The following TMEM132B variants were observed in gnomAD, a reference collection of about 807,000 sequenced individuals.
The protein encoded by TMEM132B is transmembrane protein 132B.
A neutral mutation model predicts 90.8 loss-of-function variants in TMEM132B; 18 were observed. The observed-to-expected ratio is 0.20, with a 90% confidence interval of 0.14 to 0.29. The LOEUF (loss-of-function observed/expected upper bound fraction) is 0.29, where lower values mean the gene tolerates loss of function less well. Ranked by LOEUF, TMEM132B falls within the 10% of genes least tolerant of loss-of-function variation. The probability of loss-of-function intolerance (pLI) is 1.00; values close to 1 mark genes in which losing one functional copy is unlikely to be tolerated. For missense variants in TMEM132B, 1,096 were observed against 1,326.8 expected (o/e 0.83, Z 2.70); for synonymous variants, 504 against 523.3 (o/e 0.96, Z 0.50).
At position 125,656,341 on chromosome 12, in the gene TMEM132B, C is replaced by T. The variant is rs1353820489; in HGVS notation, c.*1631C>T. ...TGACTCCAAATGGCTGATAACTGAG[C>T]TAATCCAAGGAGAGGCGTTCAGTTG... On this transcript the variant is annotated 3_prime_UTR_variant, in exon 9 of 9. Coordinates refer to ENST00000682704, the MANE Select transcript of TMEM132B (RefSeq NM_001366854.1). 6.6e-6 allele frequency: 1 copy of T among 152,174 alleles called. No homozygotes were observed. The highest frequency in any genetic ancestry group is 1.5e-5 in the Non-Finnish European group (1 of 68,034). 9.4% of individuals were successfully genotyped at this position (152,174 alleles called of 1,614,324 possible). A position where few individuals can be genotyped will look rare whatever the true frequency, so the allele number is the denominator to read the frequency against.
intron 1 of TMEM132B, among the ~76,000 whole-genome samples, chr12:125,327,907 A>G (rs1004982294): frequency 2.6e-5 from 4 of 152,232 alleles, no homozygotes; most frequent in African/African-American, 9.6e-5. Context: ...ATTTAAAACA[A>G]TGGGTTGTGT....
intron 5 of TMEM132B, among the ~76,000 whole-genome samples, chr12:125,594,493 C>G (rs1051870839): frequency 3.3e-5 from 5 of 152,164 alleles, no homozygotes; most frequent in African/African-American, 1.2e-4. Flanking sequence ...TTTACTTTCC[C>G]ACTATCAGGA....
intron 5 of TMEM132B, among the ~76,000 whole-genome samples, chr12:125,612,310 C>T (rs1885851090): frequency 6.6e-6 from 1 of 151,618 alleles, no homozygotes; most frequent in South Asian, 2.1e-4. Flanking sequence ...CCTGCCTCTA[C>T]TAGAAATACA....
chr12:125,292,665 C>T (rs1875572578), intron 1 of TMEM132B, among the ~76,000 whole-genome samples: 1 of 152,206 alleles, frequency 6.6e-6, no homozygotes, highest in East Asian at 1.9e-4. Context: ...CATTCCTTGC[C>T]TGTTTCCAGT....
At chr12:125,297,141 TG>T (rs71447041) in intron 1 of TMEM132B, among the ~76,000 whole-genome samples, 36,766 of 152,036 alleles carry the variant, frequency 0.24, 4,745 homozygotes, top group Non-Finnish European at 0.28. Flanking sequence ...TGGGTTTCCT[TG>T]GGGGGGTCCT....
intron 1 of TMEM132B, among the ~76,000 whole-genome samples, chr12:125,247,171 C>T (rs1046175459): frequency 7.9e-5 from 12 of 152,140 alleles, no homozygotes; most frequent in Admixed American, 2.0e-4. Flanking sequence ...TTCTTTGTGT[C>T]CATAATCACC....
At position 125,654,281 on chromosome 12, in the gene TMEM132B, G is replaced by C; in HGVS notation, c.2823G>C (p.Gln941His). The C allele has an allele frequency of 6.2e-7, 1 of 1,613,614 alleles. No homozygotes were observed. Residue 941 changes from glutamine (Q) to histidine (H), a missense_variant, in exon 9 of 9, where the codon CAG becomes CAC. Physicochemically the swap from Gln to His is conservative, Grantham distance 24 (BLOSUM62 0). Transcript: ENST00000682704. The surrounding 1 kb of genome is among the most constrained non-coding windows in gnomAD (Gnocchi z 5.8). ...ACAAAAGGTTTGCTGTGAGTGAGCA[G>C]GGCAACATCCCCCATTCCCACGACT... ...YRHKRFAVSE[Q>H]GNIPHSHDWV...
At chr12:125,601,036 C>T (rs1397805117) in intron 5 of TMEM132B, among the ~76,000 whole-genome samples, 1 of 152,168 alleles carries the variant, frequency 6.6e-6, no homozygotes, top group Non-Finnish European at 1.5e-5. Context: ...TAACACCCCA[C>T]TGTCAATAAT....
At chr12:125,303,291 T>C (rs895496329) in intron 1 of TMEM132B, among the ~76,000 whole-genome samples, 2 of 152,212 alleles carry the variant, frequency 1.3e-5, no homozygotes, top group East Asian at 3.8e-4. Flanking sequence ...CATAATGTTT[T>C]CCAGGCTCAT....
chr12:125,630,886 C>A (rs1488519552), intron 5 of TMEM132B, among the ~76,000 whole-genome samples: 1 of 152,072 alleles, frequency 6.6e-6, no homozygotes, highest in Admixed American at 6.6e-5. Flanking sequence ...TAATGGCCTG[C>A]AGATTCATCC....
chr12:125,235,802 CTTTTTTTT>C, intron 1 of TMEM132B, among the ~76,000 whole-genome samples: 1 of 107,402 alleles, frequency 9.3e-6, no homozygotes, highest in South Asian at 3.2e-4. Flanking sequence ...CACTTCATTC[CTTTTTTTT>C]TTTTTTTTTT....
intron 1 of TMEM132B, among the ~76,000 whole-genome samples, chr12:125,292,562 T>C (rs1261869187): frequency 6.6e-6 from 1 of 152,188 alleles, no homozygotes; most frequent in East Asian, 1.9e-4. Flanking sequence ...AAGAAAGAGA[T>C]TGGCTCACAA....
chr12:125,606,185 G>A (rs1170611518), intron 5 of TMEM132B, among the ~76,000 whole-genome samples: 3 of 152,158 alleles, frequency 2.0e-5, no homozygotes, highest in African/African-American at 7.2e-5. Context: ...AATATGAACA[G>A]TTCAGATTTC....
intron 1 of TMEM132B, among the ~76,000 whole-genome samples, chr12:125,224,381 T>C (rs1332470667): frequency 6.6e-6 from 1 of 152,208 alleles, no homozygotes; most frequent in East Asian, 1.9e-4. Context: ...TTTTTAATCG[T>C]GAAAATTCAG....
intron 3 of TMEM132B, among the ~76,000 whole-genome samples, chr12:125,468,789 T>A (rs570092019): frequency 9.8e-5 from 15 of 152,316 alleles, no homozygotes; most frequent in East Asian, 5.8e-4. Flanking sequence ...TTAAAAAAAA[T>A]TTTCTGCATA....
intron 3 of TMEM132B, among the ~76,000 whole-genome samples, chr12:125,429,552 C>T (rs922134587): frequency 3.5e-4 from 54 of 152,132 alleles, no homozygotes; most frequent in African/African-American, 1.3e-3. Flanking sequence ...ATTTAGTCAT[C>T]GTGTCTCCTG....
At chr12:125,375,660 A>T (rs1287815200) in intron 2 of TMEM132B, among the ~76,000 whole-genome samples, 1 of 152,126 alleles carries the variant, frequency 6.6e-6, no homozygotes, top group Non-Finnish European at 1.5e-5. Flanking sequence ...CACACATCAC[A>T]CTCTGTCACA....
Position 125,234,473 on chromosome 12 carries a change from C to A in TMEM132B, c.67+47607C>A, listed in dbSNP as rs1386172806. On this transcript the variant is annotated intron_variant, in intron 1 of 8. Transcript: ENST00000682704. The stretch of plus-strand genomic sequence containing the variant: ...TCTCCATGTGGGGTCCTGCACTGGC[C>A]ACATCAGCACTCCCTGGAAGCCTGT... Among the ~76,000 whole-genome samples the A allele has an allele frequency of 3.3e-5, 5 of 152,186 alleles. No homozygotes were observed. In the East Asian group the frequency reaches 9.6e-4, roughly 29 times the overall value.
intron 3 of TMEM132B, among the ~76,000 whole-genome samples, chr12:125,515,335 C>T (rs1883095885): frequency 1.3e-5 from 2 of 151,978 alleles, no homozygotes; most frequent in Admixed American, 6.6e-5. Flanking sequence ...AGAAACAACA[C>T]ATTCTGTCAC....
Sources: gnomAD v4.1 joint callset for allele counts (sites outside exome capture counted in the v4.1 genomes callset) on GRCh38, gnomAD v4.1.1 for gene constraint, Gnocchi (gnomAD v3.1) non-coding constraint, MANE v1.5 for transcripts, NCBI Gene and HGNC (gene_info 2026-07-23, HGNC 2026-07-21) for gene names.